The following TMEM266 variants were observed in gnomAD, a reference collection of about 807,000 sequenced individuals.
TMEM266 encodes the protein transmembrane protein 266, also known as Hv1 related protein 1.
In TMEM266, 33 loss-of-function variants were observed where a neutral mutation model predicts 50.5. The ratio of observed to expected loss-of-function variants is 0.65; its 90% CI spans 0.50 to 0.87. TMEM266 has a LOEUF of 0.87. Among genes scored for constraint, TMEM266 ranks in the 40% least tolerant of loss-of-function variants. TMEM266 has a pLI of 0.00. For missense variants in TMEM266, 655 were observed against 695.1 expected, an observed-to-expected ratio of 0.94 and a Z score of 0.65; for synonymous variants, 310 against 292.3, an observed-to-expected ratio of 1.06 and a Z score of -0.62.
At chr15:76,088,748 G>A (rs1020295997) in intron 1 of TMEM266, among the ~76,000 whole-genome samples, 6 of 151,738 alleles carry the variant, frequency 4.0e-5, no homozygotes, top group African/African-American at 1.2e-4. Context: ...AGTGAGCTGA[G>A]ATCACGCCAC....
chr15:76,147,161 A>C lies in TMEM266; in HGVS notation c.227+9266A>C, dbSNP rs75732665. ...CTGCACGGGAGGCCCCAGGCTTCTT[A>C]TGCCTCAGAAGTTACTACTGTGGTT... is the stretch of plus-strand genomic sequence containing the variant. On this transcript the variant is annotated intron_variant, in intron 3 of 10. Coordinates refer to ENST00000388942, the MANE Select transcript of TMEM266 (RefSeq NM_152335.3). Among the ~76,000 whole-genome samples, 443 of 152,322 alleles carry C rather than the reference A, an allele frequency of 2.9e-3. 1 individual carries two copies. Among genetic ancestry groups the C allele is most frequent in the African/African-American group, 0.01 (422 of 41,572 alleles).
intron 1 of TMEM266, among the ~76,000 whole-genome samples, chr15:76,116,194 G>C (rs1408687717): frequency 6.6e-6 from 1 of 152,070 alleles, no homozygotes; most frequent in Non-Finnish European, 1.5e-5. Flanking sequence ...CCTGGCATGG[G>C]TTCCTCTACT....
At position 76,204,257 on chromosome 15, in the gene TMEM266, A is replaced by G; in HGVS notation, c.1538A>G (p.Asp513Gly). 6.2e-7 allele frequency: 1 copy of G among 1,613,918 alleles called. No homozygotes were observed. The highest frequency in any genetic ancestry group is 8.5e-7 in the Non-Finnish European group (1 of 1,179,910). The change falls in exon 11 of 11, where the codon GAC (aspartate) becomes GGC (glycine). Residue 513 changes from aspartate (D) to glycine (G), a missense_variant. Transcript: ENST00000388942. ...CAGCCCACTGTGCCCATGCTGGAGG[A>G]CAAGTTCAGATCTTTGGAATCCAAA...
At chr15:76,120,683 C>T (rs896625439) in intron 1 of TMEM266, among the ~76,000 whole-genome samples, 13 of 149,020 alleles carry the variant, frequency 8.7e-5, no homozygotes, top group African/African-American at 3.0e-4. Context: ...ATTGCTTGAA[C>T]CTGAGAGGCG....
At chr15:76,108,947 C>G (rs1014288066) in intron 1 of TMEM266, 4 of 152,192 alleles carry the variant, frequency 2.6e-5, no homozygotes, top group African/African-American at 9.7e-5. Flanking sequence ...TCATAAACTA[C>G]TTTAATATCC....
At chr15:76,066,974 G>A (rs893434405) in intron 1 of TMEM266, among the ~76,000 whole-genome samples, 6 of 152,140 alleles carry the variant, frequency 3.9e-5, no homozygotes, top group East Asian at 1.9e-4. Context: ...CGGTACTACC[G>A]CGATTACCCC....
At position 76,192,155 on chromosome 15, in the gene TMEM266, A is replaced by C; in HGVS notation, c.956A>C (p.Gln319Pro). Residue 319 changes from glutamine to proline, a missense_variant and splice_region_variant, in exon 9 of 11, where the codon CAA (glutamine) becomes CCA (proline). Physicochemically the swap from Gln to Pro is moderately conservative, Grantham distance 76. This residue lies in a region of TMEM266 where 455 missense variants were observed against 401.8 expected (regional missense o/e 1.13). Transcript: ENST00000388942. ...GTCGTGGAGGAGCTGCAGCCCTCGC[A>C]AGGTAAGCCCGGGTCTCCACCCGGC... 7.1e-7 allele frequency: 1 copy of C among 1,398,846 alleles called. No homozygotes were observed. Among genetic ancestry groups the C allele is most frequent in the African/African-American group, 1.5e-5 (1 of 65,180 alleles). 86.7% of individuals were successfully genotyped at this position (1,398,846 alleles called of 1,614,324 possible). A position where few individuals can be genotyped will look rare whatever the true frequency, so the allele number is the denominator to read the frequency against.
intron 4 of TMEM266, among the ~76,000 whole-genome samples, chr15:76,158,327 C>T (rs1044620480): frequency 6.6e-6 from 1 of 152,224 alleles, no homozygotes; most frequent in Non-Finnish European, 1.5e-5. Context: ...GATCTTCCAG[C>T]ATAAAGTGAC....
chr15:76,115,421 G>C (rs552586707), intron 1 of TMEM266, among the ~76,000 whole-genome samples: 1 of 152,302 alleles, frequency 6.6e-6, no homozygotes, highest in African/African-American at 2.4e-5. Context: ...TCAAAACCTT[G>C]GTCTCTCATC....
intron 1 of TMEM266, among the ~76,000 whole-genome samples, chr15:76,067,650 GA>G (rs1391978032): frequency 2.2e-4 from 2 of 8,932 alleles, no homozygotes; most frequent in Non-Finnish European, 2.9e-4. Flanking sequence ...AAAAAAAAAA[GA>G]AAAGAAAAGA....
At position 76,188,322 on chromosome 15, in the gene TMEM266, A is replaced by C. The variant is rs533471210; in HGVS notation, c.769-3646A>C. Among the ~76,000 whole-genome samples, 11 of 152,318 alleles carry C rather than the reference A, an allele frequency of 7.2e-5. No homozygotes were observed. The South Asian group carries it at 2.3e-3, about 32-fold the overall frequency. ...CCTTCTTCACATGGCAGCAGCAAGG[A>C]GAAGTGTCAAGCAAAAGGGGGAAAA... is the stretch of plus-strand genomic sequence containing the variant. On this transcript the variant is annotated intron_variant, in intron 8 of 10. Transcript: ENST00000388942.
At chr15:76,197,068 G>T (rs1386277816) in intron 9 of TMEM266, among the ~76,000 whole-genome samples, 2 of 152,230 alleles carry the variant, frequency 1.3e-5, no homozygotes, top group Non-Finnish European at 2.9e-5. Flanking sequence ...CACTGCCGCA[G>T]GGGTGCATGC....
chr15:76,142,450 G>A (rs553571439), intron 3 of TMEM266, among the ~76,000 whole-genome samples: 24 of 152,278 alleles, frequency 1.6e-4, no homozygotes, highest in Middle Eastern at 3.4e-3. Flanking sequence ...ATCCAAAAGC[G>A]GGAATTGCTG....
intron 1 of TMEM266, among the ~76,000 whole-genome samples, chr15:76,093,171 T>C (rs1311851787): frequency 6.6e-6 from 1 of 151,830 alleles, no homozygotes; most frequent in African/African-American, 2.4e-5. Flanking sequence ...AGTTCTGGGA[T>C]ACATGTGCAG....
At chr15:76,203,016 T>C (rs1334380717) in intron 10 of TMEM266, among the ~76,000 whole-genome samples, 2 of 151,808 alleles carry the variant, frequency 1.3e-5, no homozygotes, top group East Asian at 3.9e-4. Context: ...CCCAGACCTC[T>C]CTCCCAGTCC....
chr15:76,162,137 G>A (rs575926341), intron 5 of TMEM266, among the ~76,000 whole-genome samples: 14 of 152,290 alleles, frequency 9.2e-5, no homozygotes, highest in East Asian at 5.8e-4. Flanking sequence ...ACAGCTGAGC[G>A]GGGAGAGCAG....
At chr15:76,124,887 A>G (rs1197440823) in intron 1 of TMEM266, among the ~76,000 whole-genome samples, 1 of 151,244 alleles carries the variant, frequency 6.6e-6, no homozygotes, top group East Asian at 1.9e-4. Flanking sequence ...AGATAGCTAA[A>G]GCAACTTTGA....
rs1352290788 is a variant in TMEM266, at chr15:76,204,266, G to C, written c.1547G>C (p.Arg516Thr). 1 of 1,613,102 alleles carries C rather than the reference G, an allele frequency of 6.2e-7. No individual in the cohort carries two copies. ...GTGCCCATGCTGGAGGACAAGTTCA[G>C]ATCTTTGGAATCCAAAGAGCAAAAG... The change falls in exon 11 of 11, where the codon AGA (arginine) becomes ACA (threonine). Residue 516 changes from arginine to threonine, a missense_variant. Transcript: ENST00000388942.
intron 8 of TMEM266, 80 bp from the exon 9 acceptor site, chr15:76,191,888 A>C (rs2038577615): frequency 1.5e-6 from 2 of 1,300,172 alleles, no homozygotes; most frequent in Non-Finnish European, 2.0e-6. Flanking sequence ...CCCATGCAGG[A>C]GCAAAGCGCC....
Sources: gnomAD v4.1 joint callset for allele counts (sites outside exome capture counted in the v4.1 genomes callset) on GRCh38, gnomAD v4.1.1 for gene constraint, gnomAD v4.1.1 regional missense constraint, MANE v1.5 for transcripts, NCBI Gene and HGNC (gene_info 2026-07-23, HGNC 2026-07-21) for gene names.